Variants in GPHN observed in about 807,000 individuals in gnomAD.
GPHN encodes gephyrin.
GPHN carries 17 observed loss-of-function variants against 95.5 expected under a neutral mutation model. The ratio of observed to expected loss-of-function variants is 0.18; its 90% CI spans 0.12 to 0.27. The LOEUF (loss-of-function observed/expected upper bound fraction) is 0.27, where lower values mean the gene tolerates loss of function less well. Ranked by LOEUF, GPHN falls within the 10% of genes least tolerant of loss-of-function variation. GPHN has a pLI of 1.00. For missense variants in GPHN, 660 were observed against 978.1 expected (o/e 0.67, Z 4.34); for synonymous variants, 320 against 322.5 (o/e 0.99, Z 0.08).
At chr14:66,755,172 A>G (rs921852666) in intron 2 of GPHN, among the ~76,000 whole-genome samples, 1 of 152,106 alleles carries the variant, frequency 6.6e-6, no homozygotes, top group African/African-American at 2.4e-5. Context: ...AGTATCGGTT[A>G]TATAGAGGTA....
At chr14:67,193,367 ATC>A in the GPHN span, among the ~76,000 whole-genome samples, 6 of 137,940 alleles carry the variant, frequency 4.3e-5, no homozygotes, top group African/African-American at 1.6e-4. Flanking sequence ...TATATAATCT[ATC>A]TATATATCTA....
intron 1 of GPHN, among the ~76,000 whole-genome samples, chr14:66,517,936 CAA>C (rs1438688893): frequency 2.0e-5 from 3 of 151,660 alleles, no homozygotes; most frequent in Non-Finnish European, 4.4e-5. Context: ...CAAAAATAAA[CAA>C]GTGGATTATA....
the GPHN span, among the ~76,000 whole-genome samples, chr14:67,489,505 C>T: frequency 6.6e-6 from 1 of 152,140 alleles, no homozygotes; most frequent in Non-Finnish European, 1.5e-5. Flanking sequence ...AAGCAGAGAC[C>T]ACCGGCCTGT....
chr14:67,151,010 A>G (rs1037073060), intron 18 of GPHN, among the ~76,000 whole-genome samples: 10 of 152,198 alleles, frequency 6.6e-5, no homozygotes, highest in Admixed American at 2.0e-4. Flanking sequence ...TTTATTATCT[A>G]GGAATTTTAG....
intron 1 of GPHN, among the ~76,000 whole-genome samples, chr14:66,650,636 T>G (rs559220723): frequency 3.8e-4 from 58 of 152,318 alleles, no homozygotes; most frequent in Admixed American, 7.2e-4. Context: ...CTACCAGTGT[T>G]GACAACAAGG....
the GPHN span, chr14:67,350,564 T>A: frequency 5.3e-6 from 8 of 1,503,224 alleles, no homozygotes; most frequent in Non-Finnish European, 7.3e-6. Context: ...ATTATGAGAC[T>A]GAAATCACTT....
At chr14:66,854,508 A>C (rs2062719288) in intron 4 of GPHN, among the ~76,000 whole-genome samples, 1 of 152,248 alleles carries the variant, frequency 6.6e-6, no homozygotes, top group Admixed American at 6.5e-5. Flanking sequence ...CACTTAGGTT[A>C]ACTAATTTAA....
At chr14:67,092,041 A>G (rs2077170684) in intron 12 of GPHN, among the ~76,000 whole-genome samples, 1 of 152,088 alleles carries the variant, frequency 6.6e-6, no homozygotes, top group Non-Finnish European at 1.5e-5. Context: ...AATGGTTAGT[A>G]TGTCTGTGTA....
Position 66,903,591 on chromosome 14 carries a change from C to A in GPHN, c.390-12412C>A, listed in dbSNP as rs2065227382. Among the ~76,000 whole-genome samples, 3 of 152,152 alleles carry A rather than the reference C, an allele frequency of 2.0e-5. 1 individual carries two copies. In the South Asian group the frequency reaches 6.2e-4, roughly 32 times the overall value. ...ACATAGTTGAGTCTTATTTCTTTAT[C>A]CATTCAGGCACTCTATGTCTTTGCC... is the stretch of plus-strand genomic sequence containing the variant. On this transcript the variant is annotated intron_variant, in intron 5 of 22. Transcript: ENST00000478722.
the GPHN span, among the ~76,000 whole-genome samples, chr14:67,310,238 C>A: frequency 6.6e-6 from 1 of 151,966 alleles, no homozygotes; most frequent in African/African-American, 2.4e-5. Flanking sequence ...AGAAAGATTT[C>A]AAGATTTTAA....
At chr14:67,437,667 G>C in the GPHN span, among the ~76,000 whole-genome samples, 1 of 152,092 alleles carries the variant, frequency 6.6e-6, no homozygotes, top group Non-Finnish European at 1.5e-5. Flanking sequence ...GGGGGAGAGA[G>C]AGGTGGGAGG....
chr14:66,876,399 C>A lies in GPHN; in HGVS notation c.295-3540C>A, dbSNP rs1021013493. Among the ~76,000 whole-genome samples the A allele has an allele frequency of 3.9e-5, 6 of 152,012 alleles. 1 individual carries two copies. The South Asian group carries it at 1.2e-3, about 31-fold the overall frequency. On this transcript the variant is annotated intron_variant, in intron 4 of 22. Coordinates refer to ENST00000478722, the MANE Select transcript of GPHN (RefSeq NM_020806.5). ...GCAGAAGACGAGAAATAACTAAAAT[C>A]AGAGTAAAACTGAAGGAGATAGAGA...
intron 1 of GPHN, among the ~76,000 whole-genome samples, chr14:66,632,841 C>T (rs2063894284): frequency 6.6e-6 from 1 of 152,064 alleles, no homozygotes; most frequent in Non-Finnish European, 1.5e-5. Context: ...TCTAACATTC[C>T]ACGTTTGTTA....
chr14:66,864,594 A>G (rs1377757353), intron 4 of GPHN, among the ~76,000 whole-genome samples: 3 of 152,206 alleles, frequency 2.0e-5, no homozygotes, highest in Middle Eastern at 3.4e-3. Flanking sequence ...CCAACATGGT[A>G]AAACCCTGTT....
chr14:66,896,080 C>T (rs540433252), intron 5 of GPHN, among the ~76,000 whole-genome samples: 14 of 152,144 alleles, frequency 9.2e-5, no homozygotes, highest in Middle Eastern at 3.4e-3. Context: ...TAGCTCCTGA[C>T]GGCTTCTTTT....
At chr14:67,698,976 C>A in the GPHN span, among the ~76,000 whole-genome samples, 1 of 152,104 alleles carries the variant, frequency 6.6e-6, no homozygotes, top group Non-Finnish European at 1.5e-5. Flanking sequence ...AAGGGCCAGG[C>A]ATGTTGGCTC....
At chr14:67,182,796 G>T (rs1489737193), downstream of GPHN, among the ~76,000 whole-genome samples, 7 of 149,784 alleles carry the variant, frequency 4.7e-5, no homozygotes, top group Admixed American at 4.7e-4. Context: ...AGGGTTGGAA[G>T]AATTCAGATG....
At chr14:67,589,429 T>C in the GPHN span, 9 of 985,264 alleles carry the variant, frequency 9.1e-6, no homozygotes, top group Non-Finnish European at 1.1e-5. Flanking sequence ...TTTGAACTGA[T>C]ATAAAAAAAA....
At chr14:67,284,650 A>G in the GPHN span, among the ~76,000 whole-genome samples, 1 of 142,156 alleles carries the variant, frequency 7.0e-6, no homozygotes, top group Middle Eastern at 4.4e-3. Context: ...GTCACTCCCT[A>G]TTCTGTCCAC....
Sources: allele counts gnomAD v4.1 joint callset (sites outside exome capture counted in the v4.1 genomes callset), GRCh38; gene constraint gnomAD v4.1.1; transcripts MANE v1.5; gene names NCBI Gene and HGNC (gene_info 2026-07-23, HGNC 2026-07-21).